TMEM178A: variants seen among roughly 807,000 people sequenced by gnomAD.
TMEM178A encodes the protein transmembrane protein 178.
In TMEM178A, 12 loss-of-function variants were observed where a neutral mutation model predicts 29.1. The observed-to-expected ratio is 0.41, with a 90% CI of 0.26 to 0.67. The LOEUF (loss-of-function observed/expected upper bound fraction) is 0.67. TMEM178A is among the 30% of genes least tolerant of loss of function. The pLI is 0.29. For missense variants in TMEM178A, 366 were observed against 419.1 expected (o/e 0.87, Z 1.11); for synonymous variants, 210 against 187.2 (o/e 1.12, Z -0.99).
intron 1 of TMEM178A, among the ~76,000 whole-genome samples, chr2:39,701,568 G>T (rs1197498571): frequency 1.3e-5 from 2 of 152,036 alleles, no homozygotes; most frequent in Non-Finnish European, 2.9e-5. Context: ...AACTTCTTAG[G>T]AATGCAAGTT....
chr2:39,733,597 T>A, the TMEM178A span, among the ~76,000 whole-genome samples: 27 of 152,280 alleles, frequency 1.8e-4, no homozygotes, highest in African/African-American at 6.0e-4. Flanking sequence ...AAAGGTGAAG[T>A]CCTTATTTAC....
chr2:39,693,966 C>CTT (rs758406067), intron 1 of TMEM178A, among the ~76,000 whole-genome samples: 3 of 138,960 alleles, frequency 2.2e-5, no homozygotes, highest in African/African-American at 7.9e-5. Context: ...CCTCAGCCAC[C>CTT]TTTTTTTTTT....
At chr2:39,693,498 T>A (rs1572671983) in intron 1 of TMEM178A, among the ~76,000 whole-genome samples, 1 of 152,232 alleles carries the variant, frequency 6.6e-6, no homozygotes, top group Non-Finnish European at 1.5e-5. Context: ...AGGCACTGGA[T>A]GGATGTCAGG....
At chr2:39,731,241 G>T in the TMEM178A span, among the ~76,000 whole-genome samples, 4 of 152,214 alleles carry the variant, frequency 2.6e-5, no homozygotes, top group African/African-American at 9.6e-5. Flanking sequence ...TCACAAGGGG[G>T]AGGGTCTTCA....
intron 1 of TMEM178A, among the ~76,000 whole-genome samples, chr2:39,694,422 A>G (rs1671454080): frequency 6.6e-6 from 1 of 152,166 alleles, no homozygotes; most frequent in Admixed American, 6.5e-5. Flanking sequence ...CATTAATAAT[A>G]AGAAACAATT....
At chr2:39,680,357 G>C (rs1038948960) in intron 1 of TMEM178A, among the ~76,000 whole-genome samples, 3 of 152,260 alleles carry the variant, frequency 2.0e-5, no homozygotes, top group South Asian at 4.2e-4. Context: ...GCCTTTTTCG[G>C]TTTTCAAATT....
At chr2:39,688,621 G>T (rs1671182720) in intron 1 of TMEM178A, among the ~76,000 whole-genome samples, 1 of 152,232 alleles carries the variant, frequency 6.6e-6, no homozygotes, top group Non-Finnish European at 1.5e-5. Context: ...AACTGTAAGA[G>T]GGTGGGCTGA....
chr2:39,669,134 G>A (rs549645652), intron 1 of TMEM178A, among the ~76,000 whole-genome samples: 12 of 152,312 alleles, frequency 7.9e-5, no homozygotes, highest in Admixed American at 6.5e-4. Flanking sequence ...AGTTTATTCA[G>A]ATGGGAGAGT....
chr2:39,708,526 C>T (rs1231172129), intron 3 of TMEM178A, among the ~76,000 whole-genome samples: 2 of 140,878 alleles, frequency 1.4e-5, no homozygotes, highest in African/African-American at 5.2e-5. Flanking sequence ...TCACGCCATT[C>T]TCCTGCCTCA....
intron 1 of TMEM178A, among the ~76,000 whole-genome samples, chr2:39,681,396 G>A (rs1419063378): frequency 6.6e-6 from 1 of 152,128 alleles, no homozygotes; most frequent in African/African-American, 2.4e-5. Flanking sequence ...ACCACCTCAT[G>A]TTTGCCCTGT....
chr2:39,691,857 C>A (rs1671330757), intron 1 of TMEM178A, among the ~76,000 whole-genome samples: 1 of 151,248 alleles, frequency 6.6e-6, no homozygotes, highest in Non-Finnish European at 1.5e-5. Flanking sequence ...TGTAGATGGA[C>A]CTTTAGGTTG....
chr2:39,675,444 G>T (rs1008860112), intron 1 of TMEM178A, among the ~76,000 whole-genome samples: 1 of 152,186 alleles, frequency 6.6e-6, no homozygotes, highest in Non-Finnish European at 1.5e-5. Flanking sequence ...AAATGTGACA[G>T]TTACTGAAAT....
At chr2:39,722,656 T>C (rs2148125484), downstream of TMEM178A, among the ~76,000 whole-genome samples, 1 of 152,288 alleles carries the variant, frequency 6.6e-6, no homozygotes, top group African/African-American at 2.4e-5. Flanking sequence ...TGTCACATAC[T>C]GGCCAACCCC....
intron 3 of TMEM178A, among the ~76,000 whole-genome samples, chr2:39,712,634 A>G (rs759430519): frequency 3.3e-5 from 5 of 152,066 alleles, no homozygotes; most frequent in Non-Finnish European, 5.9e-5. Context: ...TGCCAGCAGT[A>G]GTAAGGACCG....
At chr2:39,711,927 G>A (rs1364024791) in intron 3 of TMEM178A, among the ~76,000 whole-genome samples, 1 of 152,056 alleles carries the variant, frequency 6.6e-6, no homozygotes, top group African/African-American at 2.4e-5. Flanking sequence ...CACTAAATGG[G>A]ATCAATAAGT....
chr2:39,724,090 G>A, the TMEM178A span, among the ~76,000 whole-genome samples: 4 of 152,152 alleles, frequency 2.6e-5, no homozygotes, highest in African/African-American at 9.7e-5. Context: ...CCTGTAGCTT[G>A]CAGTAGCCTA....
chr2:39,677,875 C>A (rs942085061), intron 1 of TMEM178A, among the ~76,000 whole-genome samples: 1 of 151,910 alleles, frequency 6.6e-6, no homozygotes, highest in African/African-American at 2.4e-5. Flanking sequence ...AGCACAGAAG[C>A]CTCAGAAGAT....
the TMEM178A span, among the ~76,000 whole-genome samples, chr2:39,724,022 G>A: frequency 6.6e-6 from 1 of 152,186 alleles, no homozygotes; most frequent in Non-Finnish European, 1.5e-5. Flanking sequence ...TGTAAAGAAT[G>A]CCAGACCTAT....
chr2:39,676,614 C>A (rs1670636252), intron 1 of TMEM178A, among the ~76,000 whole-genome samples: 1 of 152,218 alleles, frequency 6.6e-6, no homozygotes, highest in African/African-American at 2.4e-5. Context: ...AATCAAGCTT[C>A]AGCCCTGGGG....
Sources: allele counts gnomAD v4.1 joint callset (sites outside exome capture counted in the v4.1 genomes callset), GRCh38; gene constraint gnomAD v4.1.1; transcripts MANE v1.5; gene names NCBI Gene and HGNC (gene_info 2026-07-23, HGNC 2026-07-21).